Variants in MAPT observed in about 807,000 individuals in gnomAD.
The protein encoded by MAPT is microtubule-associated protein tau.
In MAPT, 34 loss-of-function variants were observed where a neutral mutation model predicts 67.9. The observed-to-expected ratio is 0.50, with a 90% confidence interval of 0.38 to 0.67. MAPT has a LOEUF of 0.67. MAPT is among the 30% of genes least tolerant of loss of function. The pLI, the probability that MAPT is intolerant of heterozygous loss-of-function variation, is 0.00. For synonymous variants in MAPT, 456 were observed against 464.5 expected (o/e 0.98, Z 0.23); for missense variants, 881 against 1,115.2 (o/e 0.79, Z 2.99).
intron 1 of MAPT, among the ~76,000 whole-genome samples, chr17:45,921,412 G>T (rs1407935024): frequency 6.6e-6 from 1 of 152,230 alleles, no homozygotes; most frequent in Admixed American, 6.5e-5. Context: ...TAGCAGCTCG[G>T]AGAGCTCAGG....
intron 1 of MAPT, among the ~76,000 whole-genome samples, chr17:45,919,232 C>T (rs781299165): frequency 2.6e-5 from 4 of 152,132 alleles, no homozygotes; most frequent in Non-Finnish European, 4.4e-5. Context: ...TGCCTCCCCT[C>T]GGCCTCTCCT....
intron 1 of MAPT, among the ~76,000 whole-genome samples, chr17:45,940,428 A>G (rs1012583072): frequency 6.6e-6 from 1 of 152,098 alleles, no homozygotes; most frequent in Non-Finnish European, 1.5e-5. Context: ...GACAGAATCT[A>G]CCCCATAGGG....
chr17:45,947,383 C>A (rs201808842), intron 1 of MAPT, among the ~76,000 whole-genome samples: 1 of 138,446 alleles, frequency 7.2e-6, no homozygotes, highest in East Asian at 2.1e-4. Context: ...CTTTCTTTTT[C>A]TTTTTTTTTT....
intron 1 of MAPT, among the ~76,000 whole-genome samples, chr17:45,917,252 G>C (rs1270376964): frequency 6.6e-6 from 1 of 152,174 alleles, no homozygotes; most frequent in Non-Finnish European, 1.5e-5. Flanking sequence ...TGCCTTGCAG[G>C]GTTCGCATCT....
At chr17:45,952,709 A>T (rs1191609960) in intron 1 of MAPT, among the ~76,000 whole-genome samples, 1 of 152,148 alleles carries the variant, frequency 6.6e-6, no homozygotes, top group African/African-American at 2.4e-5. Context: ...ATACAATGTC[A>T]GCATAAGAAG....
intron 1 of MAPT, among the ~76,000 whole-genome samples, chr17:45,959,163 C>T (rs1333838384): frequency 5.9e-5 from 9 of 152,180 alleles, no homozygotes; most frequent in Admixed American, 5.9e-4. Flanking sequence ...CACAGTGAAA[C>T]TGAGTGGAAG....
intron 1 of MAPT, among the ~76,000 whole-genome samples, chr17:45,949,094 G>C (rs943016887): frequency 4.6e-5 from 7 of 152,240 alleles, no homozygotes; most frequent in Non-Finnish European, 1.0e-4. Context: ...AGCCTTCCCT[G>C]TCCTTGATTC....
intron 7 of MAPT, 122 bp downstream of exon 7, chr17:45,990,197 C>T (rs764664837): frequency 1.0e-5 from 9 of 882,248 alleles, no homozygotes; most frequent in East Asian, 2.6e-5. Flanking sequence ...ATAGAAGCAC[C>T]GTGTAAAATA....
intron 1 of MAPT, among the ~76,000 whole-genome samples, chr17:45,941,134 G>A (rs1467932740): frequency 1.3e-5 from 2 of 152,338 alleles, no homozygotes; most frequent in Non-Finnish European, 2.9e-5. Context: ...CTGCAGGCCA[G>A]CTGGGAGGCC....
At chr17:46,016,820 C>T (rs1248434026) in intron 11 of MAPT, among the ~76,000 whole-genome samples, 1 of 152,184 alleles carries the variant, frequency 6.6e-6, no homozygotes, top group African/African-American at 2.4e-5. Flanking sequence ...CTTCTTTCTG[C>T]AGTGATGGAA....
intron 1 of MAPT, among the ~76,000 whole-genome samples, chr17:45,925,676 A>T (rs2066209261): frequency 6.6e-6 from 1 of 152,242 alleles, no homozygotes; most frequent in Non-Finnish European, 1.5e-5. Context: ...TATGGGGTTT[A>T]AAATGTCATG....
chr17:45,905,198 T>C (rs1178528293), intron 1 of MAPT, among the ~76,000 whole-genome samples: 1 of 152,180 alleles, frequency 6.6e-6, no homozygotes, highest in Non-Finnish European at 1.5e-5. Flanking sequence ...GAAGTGATCA[T>C]TCATAAACTC....
intron 1 of MAPT, among the ~76,000 whole-genome samples, chr17:45,949,912 A>G (rs2145095969): frequency 6.6e-6 from 1 of 152,336 alleles, no homozygotes; most frequent in Middle Eastern, 3.4e-3. Flanking sequence ...CCTGCTAGAC[A>G]GACTAGGAGC....
chr17:46,012,900 G>T (rs1224035330), intron 10 of MAPT, among the ~76,000 whole-genome samples: 1 of 152,036 alleles, frequency 6.6e-6, no homozygotes, highest in Non-Finnish European at 1.5e-5. Flanking sequence ...CTCCAAGCCA[G>T]GCCGCGCGCC....
chr17:45,955,936 A>G (rs983235352), intron 1 of MAPT, among the ~76,000 whole-genome samples: 102 of 152,210 alleles, frequency 6.7e-4, no homozygotes, highest in African/African-American at 2.2e-3. Flanking sequence ...GGGTTTCCCT[A>G]TGTTGGCCAG....
At chr17:45,962,588 T>G in intron 2 of MAPT, 118 bp downstream of exon 2, 1 of 1,335,290 alleles carries the variant, frequency 7.5e-7, no homozygotes, top group Non-Finnish European at 1.0e-6. Flanking sequence ...AGACTGTCAG[T>G]AAAGTAAAGC....
At chr17:45,953,957 A>G (rs1488756891) in intron 1 of MAPT, among the ~76,000 whole-genome samples, 1 of 152,214 alleles carries the variant, frequency 6.6e-6, no homozygotes, top group African/African-American at 2.4e-5. Context: ...CTGAGAATAT[A>G]GGAGGTGATC....
chr17:46,007,216 G>C (rs1017728936), intron 9 of MAPT, among the ~76,000 whole-genome samples: 2 of 152,162 alleles, frequency 1.3e-5, no homozygotes, highest in Non-Finnish European at 2.9e-5. Flanking sequence ...TGGACACCGT[G>C]GTTCACGCCT....
At chr17:45,905,912 G>A (rs1212873061) in intron 1 of MAPT, among the ~76,000 whole-genome samples, 1 of 152,260 alleles carries the variant, frequency 6.6e-6, no homozygotes, top group African/African-American at 2.4e-5. Flanking sequence ...GTCAGGTGCT[G>A]ATCTGAAGTC....
Sources: gnomAD v4.1 joint callset for allele counts (sites outside exome capture counted in the v4.1 genomes callset) on GRCh38, gnomAD v4.1.1 for gene constraint, MANE v1.5 for transcripts, NCBI Gene and HGNC (gene_info 2026-07-23, HGNC 2026-07-21) for gene names.